Variants in NRDC observed in about 807,000 individuals in gnomAD.
The protein encoded by NRDC is nardilysin convertase, also known as nardilysin.
In NRDC, 54 loss-of-function variants were observed where a neutral mutation model predicts 147.1. The observed-to-expected ratio is 0.37, with a 90% CI of 0.29 to 0.46. The LOEUF (loss-of-function observed/expected upper bound fraction) is 0.46, where lower values mean the gene tolerates loss of function less well. Among genes scored for constraint, NRDC ranks in the 20% least tolerant of loss-of-function variants. The pLI, the probability that NRDC is intolerant of heterozygous loss-of-function variation, is 1.00. For synonymous variants in NRDC, 440 were observed against 482.1 expected (o/e 0.91, Z 1.14); for missense variants, 1,082 against 1,370.6 (o/e 0.79, Z 3.33).
intron 3 of NRDC, 99 bp from the exon 4 acceptor site, chr1:51,834,269 T>C (rs1282813897): frequency 5.0e-6 from 6 of 1,192,522 alleles, no homozygotes; most frequent in Non-Finnish European, 7.2e-6. Context: ...TGAAAGAAAA[T>C]AGACCAACAC....
chr1:51,828,796 G>A (rs919005267), intron 4 of NRDC, among the ~76,000 whole-genome samples: 4 of 146,574 alleles, frequency 2.7e-5, no homozygotes, highest in Non-Finnish European at 4.4e-5. Context: ...ACTGCTCACT[G>A]CGGCCTCAAA....
At chr1:51,827,556 A>G (rs1174202246) in intron 5 of NRDC, among the ~76,000 whole-genome samples, 1 of 152,182 alleles carries the variant, frequency 6.6e-6, no homozygotes, top group African/African-American at 2.4e-5. Context: ...ATTAGCCCCT[A>G]TGGTAAAACC....
chr1:51,801,226 A>G (rs1679178902), intron 20 of NRDC: 1 of 150,948 alleles, frequency 6.6e-6, no homozygotes, highest in Non-Finnish European at 1.5e-5. Flanking sequence ...GATAGATCCT[A>G]TACTTTTCCT....
intron 1 of NRDC, among the ~76,000 whole-genome samples, chr1:51,851,516 A>T (rs1681946639): frequency 6.6e-6 from 1 of 151,640 alleles, no homozygotes; most frequent in Non-Finnish European, 1.5e-5. Flanking sequence ...TATTCTGCAG[A>T]ATTGGGCCAT....
intron 19 of NRDC, among the ~76,000 whole-genome samples, chr1:51,805,080 G>A (rs12041630): frequency 0.045 from 6,879 of 152,204 alleles, 220 homozygotes; most frequent in Middle Eastern, 0.14. Context: ...ATACACTTTA[G>A]GGTCTCCGAC....
At chr1:51,818,000 T>C in intron 10 of NRDC, 66 bp downstream of exon 10, 1 of 1,219,174 alleles carries the variant, frequency 8.2e-7, no homozygotes, top group Non-Finnish European at 1.2e-6. Flanking sequence ...ACTTAAACCA[T>C]TTAGCATGCT....
intron 1 of NRDC, among the ~76,000 whole-genome samples, chr1:51,864,027 T>C (rs1682681009): frequency 1.3e-5 from 2 of 152,206 alleles, no homozygotes. Flanking sequence ...CAAAGTCTAT[T>C]TTATAATGAA....
chr1:51,833,409 A>G (rs1477022484), intron 4 of NRDC, among the ~76,000 whole-genome samples: 3 of 151,636 alleles, frequency 2.0e-5, no homozygotes, highest in Non-Finnish European at 4.4e-5. Flanking sequence ...ACAGCACTCC[A>G]GCCTAGGCAC....
At chr1:51,854,639 G>T (rs1557933190) in intron 1 of NRDC, among the ~76,000 whole-genome samples, 1 of 152,148 alleles carries the variant, frequency 6.6e-6, no homozygotes, top group Non-Finnish European at 1.5e-5. Context: ...CAACAGCCAA[G>T]CTGGCCCAGC....
intron 1 of NRDC, among the ~76,000 whole-genome samples, chr1:51,846,587 C>T (rs1237332488): frequency 6.6e-6 from 1 of 152,182 alleles, no homozygotes; most frequent in Non-Finnish European, 1.5e-5. Context: ...TTCAGAGTTT[C>T]TTCCTGCCTG....
In NRDC at chr1:51,878,717, G is replaced by A. The variant is rs984777490; in HGVS notation, c.-102C>T. On this transcript the variant is annotated 5_prime_UTR_variant, in exon 1 of 31. Transcript: ENST00000352171. ...GGCCCTGGTGCTGCCGCAGCCGCGG[G>A]GAACAGGCCTGAACCCCTCCCCCAA... 5.7e-6 allele frequency: 6 copies of A among 1,053,030 alleles called. No homozygotes were observed. The highest frequency in any genetic ancestry group is 2.2e-5 in the Admixed American group (1 of 45,816). 65.2% of individuals were successfully genotyped at this position (1,053,030 alleles called of 1,614,324 possible). A position where few individuals can be genotyped will look rare whatever the true frequency, so the allele number is the denominator to read the frequency against.
chr1:51,845,805 T>C (rs961178326), intron 1 of NRDC, among the ~76,000 whole-genome samples: 3 of 152,178 alleles, frequency 2.0e-5, no homozygotes, highest in African/African-American at 7.2e-5. Context: ...CACAGCTATA[T>C]CCTGGGACAA....
Position 51,794,413 on chromosome 1 carries a change from C to T in NRDC, c.2775+59G>A, listed in dbSNP as rs192425500. 8.7e-5 allele frequency: 136 copies of T among 1,565,830 alleles called. 1 individual carries two copies. Among genetic ancestry groups the T allele is most frequent in the Middle Eastern group, 5.1e-4 (3 of 5,884 alleles). ...AACTATAAAAGGGCCTTGAAGGTCA[C>T]GGGGTCCCTGATCCCCAGGCACTGG... On this transcript the variant is annotated intron_variant, in intron 24 of 30. Coordinates refer to ENST00000352171, the MANE Select transcript of NRDC (RefSeq NM_001101662.2).
rs114336613 is a variant in NRDC, at chr1:51,798,519, G to C, written c.2442-108C>G. The stretch of plus-strand genomic sequence containing the variant: ...TCTATAAAGGATGTGTTTCTAAAGA[G>C]AGACCATTTTTATCACAATGTAAGA... On this transcript the variant is annotated intron_variant, in intron 21 of 30. Transcript: ENST00000352171. 8.2e-3 allele frequency: 7,604 copies of C among 926,488 alleles called. 265 individuals carry two copies. In the South Asian group the frequency reaches 0.089, roughly 11 times the overall value. 57.4% of individuals were successfully genotyped at this position (926,488 alleles called of 1,614,324 possible).
At chr1:51,826,551 T>C (rs968447879) in intron 5 of NRDC, among the ~76,000 whole-genome samples, 1 of 152,170 alleles carries the variant, frequency 6.6e-6, no homozygotes, top group Non-Finnish European at 1.5e-5. Flanking sequence ...CACTAAGACA[T>C]ACTATGCAGG....
At chr1:51,846,297 G>A (rs1681578385) in intron 1 of NRDC, among the ~76,000 whole-genome samples, 2 of 152,190 alleles carry the variant, frequency 1.3e-5, no homozygotes, top group South Asian at 4.2e-4. Flanking sequence ...ATTTTTAATA[G>A]AGACGGGGTT....
At chr1:51,792,568 C>T in intron 24 of NRDC, 144 bp from the exon 25 acceptor site, 2 of 723,682 alleles carry the variant, frequency 2.8e-6, no homozygotes, top group South Asian at 1.7e-5. Context: ...ATGTTGTTTA[C>T]ATATCTGCTT....
At chr1:51,865,969 G>T (rs1682784861) in intron 1 of NRDC, among the ~76,000 whole-genome samples, 1 of 151,454 alleles carries the variant, frequency 6.6e-6, no homozygotes, top group Admixed American at 6.6e-5. Flanking sequence ...TGAGGCAGAA[G>T]AATTACTAGA....
chr1:51,831,640 G>A (rs1680714954), intron 4 of NRDC, among the ~76,000 whole-genome samples: 1 of 150,240 alleles, frequency 6.7e-6, no homozygotes, highest in African/African-American at 2.5e-5. Flanking sequence ...GTACAGTGGT[G>A]CGATCTCAGC....
Sources: allele counts gnomAD v4.1 joint callset (sites outside exome capture counted in the v4.1 genomes callset), GRCh38; gene constraint gnomAD v4.1.1; transcripts MANE v1.5; gene names NCBI Gene and HGNC (gene_info 2026-07-23, HGNC 2026-07-21).